Variants in ZNF804A observed in about 807,000 individuals in gnomAD.
The protein encoded by ZNF804A is zinc finger protein 804A.
Under a neutral mutation model 16.5 loss-of-function variants are expected in ZNF804A, and 2 were observed. The ratio of observed to expected loss-of-function variants is 0.12; its 90% CI spans 0.05 to 0.38. ZNF804A has a LOEUF of 0.38. Ranked by LOEUF, ZNF804A falls within the 10% of genes least tolerant of loss-of-function variation. ZNF804A has a pLI of 0.99. For synonymous variants in ZNF804A, 534 were observed against 489.6 expected (o/e 1.09, Z -1.20); for missense variants, 1,473 against 1,390.7 (o/e 1.06, Z -0.94).
At chr2:184,930,270 C>G (rs1685675227) in intron 2 of ZNF804A, among the ~76,000 whole-genome samples, 1 of 151,968 alleles carries the variant, frequency 6.6e-6, no homozygotes, top group Non-Finnish European at 1.5e-5. Context: ...TTATGAAAAG[C>G]AATTAATAAT....
intron 1 of ZNF804A, among the ~76,000 whole-genome samples, chr2:184,679,429 C>T (rs1433168358): frequency 6.6e-6 from 1 of 152,132 alleles, no homozygotes; most frequent in African/African-American, 2.4e-5. Flanking sequence ...ACAGGTGGAG[C>T]CCCACCCCTT....
chr2:184,734,304 A>C (rs976691865), intron 1 of ZNF804A, among the ~76,000 whole-genome samples: 6 of 152,092 alleles, frequency 3.9e-5, no homozygotes, highest in Non-Finnish European at 8.8e-5. Flanking sequence ...TATGTGCTTT[A>C]TTCTGTAAAT....
chr2:184,855,613 T>TAC (rs1429244586), intron 1 of ZNF804A, among the ~76,000 whole-genome samples: 120 of 124,238 alleles, frequency 9.7e-4, no homozygotes, highest in East Asian at 2.5e-3. Context: ...TATATATATA[T>TAC]ATACACACAC....
chr2:184,832,761 T>A (rs1190143992), intron 1 of ZNF804A, among the ~76,000 whole-genome samples: 1 of 152,010 alleles, frequency 6.6e-6, no homozygotes, highest in Non-Finnish European at 1.5e-5. Context: ...AATTTTGATA[T>A]TTTTTAATGT....
chr2:184,826,414 T>C (rs1335008776), intron 1 of ZNF804A, among the ~76,000 whole-genome samples: 1 of 152,132 alleles, frequency 6.6e-6, no homozygotes, highest in Non-Finnish European at 1.5e-5. Context: ...AACAAGGAAT[T>C]TATTCTCTTA....
At chr2:184,671,421 G>A (rs995663946) in intron 1 of ZNF804A, among the ~76,000 whole-genome samples, 2 of 152,204 alleles carry the variant, frequency 1.3e-5, no homozygotes, top group Admixed American at 1.3e-4. Context: ...TCTTTCTTGA[G>A]TAGTTACAAG....
In ZNF804A at chr2:184,935,906, G is replaced by A; in HGVS notation, c.510G>A (p.Leu170=). Reference sequence around the variant, plus strand: ...ACCAGCAAGATTTCAAATATACTTTGATTCATAGTGAAGAGAATACTAAAG... The same window carrying A: ...ACCAGCAAGATTTCAAATATACTTTAATTCATAGTGAAGAGAATACTAAAG... ...VNNQQDFKYT[L]IHSEENTKDA... is the part of the protein sequence containing the mutation. The change falls in exon 4 of 4, where the codon TTG becomes TTA. Residue 170 remains leucine (L), a synonymous_variant. Coordinates refer to ENST00000302277, the MANE Select transcript of ZNF804A (RefSeq NM_194250.2). 6.2e-7 allele frequency: 1 copy of A among 1,613,884 alleles called. No homozygotes were observed. The highest frequency in any genetic ancestry group is 8.5e-7 in the Non-Finnish European group (1 of 1,179,914).
chr2:184,808,234 T>G (rs1444088065), intron 1 of ZNF804A, among the ~76,000 whole-genome samples: 1 of 151,662 alleles, frequency 6.6e-6, no homozygotes, highest in African/African-American at 2.4e-5. Flanking sequence ...ATTTTCTATC[T>G]TTCTCATTTT....
At chr2:184,924,437 T>A (rs1352394373) in intron 2 of ZNF804A, among the ~76,000 whole-genome samples, 1 of 151,874 alleles carries the variant, frequency 6.6e-6, no homozygotes, top group Non-Finnish European at 1.5e-5. Flanking sequence ...TCATTTTATT[T>A]GGATCTTCTC....
chr2:184,717,945 T>C (rs192305078), intron 1 of ZNF804A, among the ~76,000 whole-genome samples: 1 of 152,232 alleles, frequency 6.6e-6, no homozygotes, highest in East Asian at 1.9e-4. Context: ...TGTTATTCAA[T>C]ATAGCATTTG....
chr2:184,717,942 CA>C (rs1693241154), intron 1 of ZNF804A, among the ~76,000 whole-genome samples: 2 of 151,938 alleles, frequency 1.3e-5, no homozygotes, highest in Non-Finnish European at 2.9e-5. Context: ...CCCTGTTATT[CA>C]ATATAGCATT....
chr2:184,926,840 A>G (rs1045865274), intron 2 of ZNF804A, among the ~76,000 whole-genome samples: 10 of 152,200 alleles, frequency 6.6e-5, no homozygotes, highest in Non-Finnish European at 1.3e-4. Context: ...TCAGCTCCAG[A>G]ATTTCTGCTT....
chr2:184,665,005 C>T (rs1430948466), intron 1 of ZNF804A, among the ~76,000 whole-genome samples: 5 of 151,924 alleles, frequency 3.3e-5, no homozygotes, highest in African/African-American at 1.2e-4. Flanking sequence ...AGAAGCACAC[C>T]CTGATATTCA....
chr2:184,809,372 T>C (rs1235613470), intron 1 of ZNF804A, among the ~76,000 whole-genome samples: 1 of 151,814 alleles, frequency 6.6e-6, no homozygotes, highest in African/African-American at 2.4e-5. Flanking sequence ...TACTTAATAT[T>C]TCCTGATATA....
chr2:184,662,394 A>C (rs139273196), intron 1 of ZNF804A, among the ~76,000 whole-genome samples: 3 of 152,308 alleles, frequency 2.0e-5, no homozygotes, highest in African/African-American at 7.2e-5. Flanking sequence ...AAGACTCATA[A>C]TAAAGTTCCC....
chr2:184,650,215 A>T (rs951936282), intron 1 of ZNF804A, among the ~76,000 whole-genome samples: 6 of 152,138 alleles, frequency 3.9e-5, no homozygotes, highest in Admixed American at 3.3e-4. Context: ...AAGGCGTAAG[A>T]TCATCTCAGT....
At chr2:184,731,806 C>T (rs1049408699) in intron 1 of ZNF804A, among the ~76,000 whole-genome samples, 1 of 152,034 alleles carries the variant, frequency 6.6e-6, no homozygotes, top group South Asian at 2.1e-4. Flanking sequence ...AACTTTTGGT[C>T]CCAAATGATT....
At chr2:184,650,678 T>A (rs1336422886) in intron 1 of ZNF804A, among the ~76,000 whole-genome samples, 1 of 151,674 alleles carries the variant, frequency 6.6e-6, no homozygotes, top group Non-Finnish European at 1.5e-5. Context: ...CAATCCCATT[T>A]ACAATAGCTA....
intron 1 of ZNF804A, among the ~76,000 whole-genome samples, chr2:184,803,764 C>T (rs963687140): frequency 3.9e-5 from 6 of 151,920 alleles, no homozygotes; most frequent in Non-Finnish European, 8.8e-5. Context: ...CTGATGGCCC[C>T]AGGTGTTGTT....
Sources: allele counts gnomAD v4.1 joint callset (sites outside exome capture counted in the v4.1 genomes callset), GRCh38; gene constraint gnomAD v4.1.1; transcripts MANE v1.5; gene names NCBI Gene and HGNC (gene_info 2026-07-23, HGNC 2026-07-21).